The following KAT6B variants were observed in gnomAD, a reference collection of about 807,000 sequenced individuals.
KAT6B encodes the protein histone acetyltransferase KAT6B.
A neutral mutation model predicts 187.5 loss-of-function variants in KAT6B; 10 were observed. The ratio of observed to expected loss-of-function variants is 0.05; its 90% CI spans 0.03 to 0.09. KAT6B has a LOEUF of 0.09. Ranked by LOEUF, KAT6B falls within the 10% of genes least tolerant of loss-of-function variation. KAT6B has a pLI of 1.00. For synonymous variants in KAT6B, 861 were observed against 926.8 expected (o/e 0.93, Z 1.29); for missense variants, 1,952 against 2,558.9 (o/e 0.76, Z 5.12).
At chr10:74,936,772 G>GTAT (rs1465385227) in intron 3 of KAT6B, among the ~76,000 whole-genome samples, 1 of 152,158 alleles carries the variant, frequency 6.6e-6, no homozygotes, top group Non-Finnish European at 1.5e-5. Flanking sequence ...ACTTCCATGG[G>GTAT]TATAAAACTT....
intron 13 of KAT6B, among the ~76,000 whole-genome samples, chr10:75,015,069 C>G (rs971518413): frequency 2.0e-5 from 3 of 152,156 alleles, no homozygotes; most frequent in Non-Finnish European, 2.9e-5. Context: ...ACCAAAGATC[C>G]TGATTCAGCA....
chr10:75,005,328 C>T (rs977733738), intron 13 of KAT6B, among the ~76,000 whole-genome samples: 6 of 152,006 alleles, frequency 3.9e-5, no homozygotes, highest in African/African-American at 1.4e-4. Flanking sequence ...AGCAGTTCTC[C>T]TGCCTCAGTC....
At chr10:74,999,860 A>T (rs1843707392) in intron 13 of KAT6B, among the ~76,000 whole-genome samples, 2 of 152,226 alleles carry the variant, frequency 1.3e-5, no homozygotes, top group African/African-American at 4.8e-5. Flanking sequence ...TTAAAAGTAG[A>T]TTCAAAAAGC....
At chr10:74,952,997 G>T (rs536511136) in intron 3 of KAT6B, among the ~76,000 whole-genome samples, 1 of 151,800 alleles carries the variant, frequency 6.6e-6, no homozygotes, top group South Asian at 2.1e-4. Context: ...ACCGTGCCCA[G>T]CCAGTATTCA....
Position 74,934,205 on chromosome 10 carries a change from A to AAAT in KAT6B, c.622-25765_622-25764insAAT, listed in dbSNP as rs10687961. The stretch of plus-strand genomic sequence containing the variant: ...CGTCTCCAAAAAAAAAAAAAAAAAA[A>AAAT]GCCTACAATCCCTGTTATAATCATG... On this transcript the variant is annotated intron_variant, in intron 3 of 17. Coordinates refer to ENST00000287239, the MANE Select transcript of KAT6B (RefSeq NM_012330.4). 2.3e-4 allele frequency among the ~76,000 whole-genome samples: 34 copies of AAAT among 150,900 alleles called. No homozygotes were observed. In the East Asian group the frequency reaches 6.6e-3, roughly 29 times the overall value.
At chr10:74,882,538 A>G (rs1184417433) in intron 3 of KAT6B, among the ~76,000 whole-genome samples, 1 of 152,252 alleles carries the variant, frequency 6.6e-6, no homozygotes, top group East Asian at 1.9e-4. Flanking sequence ...GTGAATACTA[A>G]TGTAATTTGG....
chr10:74,962,088 C>T (rs994193350), intron 4 of KAT6B, among the ~76,000 whole-genome samples: 1 of 152,194 alleles, frequency 6.6e-6, no homozygotes, highest in Non-Finnish European at 1.5e-5. Context: ...TTGAAGTTCA[C>T]TTAATCTTCC....
At chr10:75,005,716 G>A (rs1844159680) in intron 13 of KAT6B, among the ~76,000 whole-genome samples, 2 of 152,066 alleles carry the variant, frequency 1.3e-5, no homozygotes, top group East Asian at 1.9e-4. Context: ...CCATGGATTT[G>A]TGGTTAGCAT....
At chr10:74,856,768 G>T (rs1220893694) in intron 3 of KAT6B, among the ~76,000 whole-genome samples, 3 of 152,114 alleles carry the variant, frequency 2.0e-5, no homozygotes, top group Non-Finnish European at 4.4e-5. Context: ...GGGCGTGGTG[G>T]CATGTGCCTG....
At chr10:74,855,941 C>T (rs1842791488) in intron 3 of KAT6B, among the ~76,000 whole-genome samples, 1 of 152,076 alleles carries the variant, frequency 6.6e-6, no homozygotes, top group South Asian at 2.1e-4. Flanking sequence ...AACTAAATTA[C>T]AAATATTATA....
rs184609018 is a variant in KAT6B at position 74,843,331 on chromosome 10, C to G, written c.474C>G (p.Arg158=). Residue 158 remains arginine (R), a synonymous_variant, in exon 3 of 18, where the codon CGC becomes CGG. Coordinates refer to ENST00000287239, the MANE Select transcript of KAT6B (RefSeq NM_012330.4). Reference sequence around the variant, plus strand: ...AGCGGCTGCGACTGGGGGCCAAACGCGCTGTGAATAATGGGAGGTTACTGA... The same window carrying G: ...AGCGGCTGCGACTGGGGGCCAAACGGGCTGTGAATAATGGGAGGTTACTGA... ...FQQRLRLGAK[R]AVNNGRLLKD... is the part of the protein sequence containing the mutation. 9 of 1,613,408 alleles carry G rather than the reference C, an allele frequency of 5.6e-6. No homozygotes were observed. The Admixed American group carries it at 1.5e-4, about 27-fold the overall frequency.
chr10:74,870,152 C>A (rs1289177560), intron 3 of KAT6B, among the ~76,000 whole-genome samples: 3 of 151,840 alleles, frequency 2.0e-5, no homozygotes, highest in African/African-American at 7.3e-5. Context: ...GATGGCATGC[C>A]CCTGTAGTCC....
In KAT6B at chr10:75,020,695, TACC is replaced by T; in HGVS notation, c.2751_2753del (p.His918del). 6.2e-7 allele frequency: 1 copy of T among 1,613,432 alleles called. No individual in the cohort carries two copies. The highest frequency in any genetic ancestry group is 2.2e-5 in the East Asian group (1 of 44,854). ...GAAGAGCGTCATCTTGGAGTATCTCTACCACCACCATGAGAGGCACATCAGCAT... is the reference window on the plus strand; with the variant it reads ...GAAGAGCGTCATCTTGGAGTATCTCTACCACCATGAGAGGCACATCAGCAT... On this transcript the variant is annotated inframe_deletion, in exon 14 of 18. Coordinates refer to ENST00000287239, the MANE Select transcript of KAT6B (RefSeq NM_012330.4).
intron 1 of KAT6B, among the ~76,000 whole-genome samples, chr10:74,836,606 G>A (rs746432566): frequency 1.3e-5 from 2 of 152,170 alleles, no homozygotes; most frequent in Non-Finnish European, 2.9e-5. Flanking sequence ...ATGCATCCAG[G>A]ATTTGAAAGA....
intron 13 of KAT6B, among the ~76,000 whole-genome samples, chr10:74,990,275 T>TTATC (rs1338068734): frequency 5.3e-5 from 8 of 151,156 alleles, no homozygotes; most frequent in African/African-American, 9.7e-5. Flanking sequence ...AGATTGCAGT[T>TTATC]TATCTGATTA....
chr10:74,952,261 G>A (rs1488233034), intron 3 of KAT6B, among the ~76,000 whole-genome samples: 9 of 126,238 alleles, frequency 7.1e-5, no homozygotes, highest in African/African-American at 1.6e-4. Flanking sequence ...AGGCTGAGGC[G>A]GGAGGATCAC....
At chr10:74,861,494 A>G (rs773300548) in intron 3 of KAT6B, among the ~76,000 whole-genome samples, 5 of 152,194 alleles carry the variant, frequency 3.3e-5, no homozygotes, top group Non-Finnish European at 7.3e-5. Flanking sequence ...GTAAGGTAGG[A>G]CTATTCATTC....
intron 16 of KAT6B, chr10:75,023,739 C>T (rs1845612192): frequency 6.6e-6 from 1 of 152,250 alleles, no homozygotes; most frequent in Non-Finnish European, 1.5e-5. Context: ...GACACAGTGG[C>T]TCACGCCTAT....
chr10:74,886,840 G>C (rs964469569), intron 3 of KAT6B, among the ~76,000 whole-genome samples: 9 of 152,188 alleles, frequency 5.9e-5, no homozygotes, highest in African/African-American at 1.9e-4. Flanking sequence ...ACCCTGCTTG[G>C]AGTCAGGGAA....
Sources: gnomAD v4.1 joint callset for allele counts (sites outside exome capture counted in the v4.1 genomes callset) on GRCh38, gnomAD v4.1.1 for gene constraint, MANE v1.5 for transcripts, NCBI Gene and HGNC (gene_info 2026-07-23, HGNC 2026-07-21) for gene names.